The following TBCD variants were observed in gnomAD, a reference collection of about 807,000 sequenced individuals.
TBCD encodes tubulin folding cofactor D, also known as tubulin-specific chaperone D.
In TBCD, 105 loss-of-function variants were observed where a neutral mutation model predicts 169.3. That is an observed-to-expected ratio of 0.62 (90% CI 0.53 to 0.73). The LOEUF is 0.73. Ranked by LOEUF, TBCD falls within the 30% of genes least tolerant of loss-of-function variation. The pLI, the probability that TBCD is intolerant of heterozygous loss-of-function variation, is 0.00. For missense variants in TBCD, 1,444 were observed against 1,600.1 expected (o/e 0.90, Z 1.66); for synonymous variants, 700 against 643.9 (o/e 1.09, Z -1.32).
chr17:82,843,978 G>C (rs1346541108), intron 13 of TBCD, among the ~76,000 whole-genome samples: 1 of 151,880 alleles, frequency 6.6e-6, no homozygotes, highest in East Asian at 1.9e-4. Context: ...CTCACCTGCA[G>C]GTTCTTTCCT....
At chr17:82,758,139 A>C (rs2143824487) in intron 2 of TBCD, among the ~76,000 whole-genome samples, 1 of 152,062 alleles carries the variant, frequency 6.6e-6, no homozygotes, top group South Asian at 2.1e-4. Flanking sequence ...CTGTAATCCC[A>C]GCACTTTGGG....
intron 27 of TBCD, among the ~76,000 whole-genome samples, chr17:82,925,820 ACCC>A (rs932654917): frequency 6.6e-6 from 1 of 152,062 alleles, no homozygotes; most frequent in Admixed American, 6.6e-5. Context: ...CTTTGTCAAT[ACCC>A]CAGGTCTCAG....
chr17:82,937,774 A>T, intron 35 of TBCD: 7 of 1,177,558 alleles, frequency 5.9e-6, no homozygotes, highest in Non-Finnish European at 8.1e-6. Flanking sequence ...TGGCTCCTTG[A>T]GGTGGGGGTC....
At chr17:82,934,262 G>A (rs1027429913) in intron 34 of TBCD, among the ~76,000 whole-genome samples, 3 of 152,198 alleles carry the variant, frequency 2.0e-5, no homozygotes, top group Non-Finnish European at 4.4e-5. Context: ...ACCTTCGGGC[G>A]GGAGGCAGAT....
In TBCD at chr17:82,932,726, C is replaced by CGGA. The variant is rs766251154; in HGVS notation, c.3190_3191+1dup. The stretch of plus-strand genomic sequence containing the variant: ...CACGGCTGCTTCGACATCTTCACCA[C>CGGA]GGAGGAGGAGTGAGGCTCTGCTTTT... On this transcript the variant is annotated inframe_insertion, in exon 34 of 39. Transcript: ENST00000355528. The CGGA allele has an allele frequency of 5.6e-6, 9 of 1,613,752 alleles. No homozygotes were observed. Among genetic ancestry groups the CGGA allele is most frequent in the Non-Finnish European group, 7.6e-6 (9 of 1,179,796 alleles).
intron 8 of TBCD, among the ~76,000 whole-genome samples, chr17:82,799,639 C>A (rs1042729173): frequency 2.0e-5 from 3 of 152,196 alleles, no homozygotes; most frequent in Non-Finnish European, 4.4e-5. Flanking sequence ...AGGAGGGACA[C>A]ACAGTGCCAT....
intron 21 of TBCD, chr17:82,908,492 G>A (rs763806240): frequency 9.9e-6 from 4 of 403,358 alleles, no homozygotes; most frequent in African/African-American, 6.3e-5. Context: ...AATTGTTCAC[G>A]AGGGATTACG....
chr17:82,830,884 G>A, intron 13 of TBCD: 1 of 1,612,740 alleles, frequency 6.2e-7, no homozygotes, highest in South Asian at 1.1e-5. Flanking sequence ...GAGGCTAGAA[G>A]AAGCCAAGAA....
chr17:82,881,073 C>T (rs1010906319), intron 14 of TBCD, among the ~76,000 whole-genome samples: 7 of 152,172 alleles, frequency 4.6e-5, no homozygotes, highest in Non-Finnish European at 8.8e-5. Context: ...TCCCCTTGGG[C>T]TCCATCCTTC....
intron 13 of TBCD, among the ~76,000 whole-genome samples, chr17:82,860,609 A>G (rs1209448317): frequency 6.6e-6 from 1 of 152,220 alleles, no homozygotes; most frequent in Non-Finnish European, 1.5e-5. Context: ...GTGACAGTGG[A>G]GAGCCAGCAG....
Position 82,766,325 on chromosome 17 carries a change from C to T in TBCD, c.392C>T (p.Pro131Leu). ...CCTCATGAAGTTGCCGATGTAGAGC[C>T]TGTTTTAGATTTGGTCACAATTCAG... ...LFPHEVADVE[P>L]VLDLVTIQNP... The change falls in exon 4 of 39, where the codon CCT becomes CTT. Residue 131 changes from proline (P) to leucine (L), a missense_variant. Transcript: ENST00000355528. 3 of 1,613,366 alleles carry T rather than the reference C, an allele frequency of 1.9e-6. No homozygotes were observed. Among genetic ancestry groups the T allele is most frequent in the Non-Finnish European group, 2.5e-6 (3 of 1,179,680 alleles).
chr17:82,893,488 G>C, intron 16 of TBCD, 59 bp from the exon 17 acceptor site: 1 of 1,346,802 alleles, frequency 7.4e-7, no homozygotes, highest in African/African-American at 1.5e-5. Flanking sequence ...ATTGAACTTG[G>C]TGAAATGCCT....
chr17:82,829,987 G>A, intron 13 of TBCD: 1 of 1,238,764 alleles, frequency 8.1e-7, no homozygotes, highest in South Asian at 1.5e-5. Context: ...AAACTGAATT[G>A]GAGGGTTTTT....
rs574971824 is a variant in TBCD at position 82,856,378 on chromosome 17, G to C, written c.1319-13846G>C. 8.0e-4 allele frequency among the ~76,000 whole-genome samples: 121 copies of C among 151,736 alleles called. 1 individual carries two copies. Among genetic ancestry groups the C allele is most frequent in the African/African-American group, 2.9e-3 (120 of 41,400 alleles). Reference sequence around the variant, plus strand: ...TCACAATACTTTGGGAGGCCAAGATGAGAGGATCATTTGAGGCGAGGAGTT... The same window carrying C: ...TCACAATACTTTGGGAGGCCAAGATCAGAGGATCATTTGAGGCGAGGAGTT... On this transcript the variant is annotated intron_variant, in intron 13 of 38. Coordinates refer to ENST00000355528, the MANE Select transcript of TBCD (RefSeq NM_005993.5).
chr17:82,913,124 C>G (rs1367963742), intron 23 of TBCD: 2 of 152,376 alleles, frequency 1.3e-5, no homozygotes, highest in Non-Finnish European at 2.9e-5. Context: ...GACCATCCCC[C>G]ACATGTCATG....
rs1462807256 is a variant in TBCD, at chr17:82,884,831, G to C, written c.1533+629G>C. 1 of 154,618 alleles carries C rather than the reference G, an allele frequency of 6.5e-6. No individual in the cohort carries two copies. Among genetic ancestry groups the C allele is most frequent in the Non-Finnish European group, 1.4e-5 (1 of 69,388 alleles). The allele number at this position is 154,618 out of a possible 1,614,324, so 9.6% of individuals were successfully genotyped here. ...TCAGAGCTGGGCTGGAGTGAGGCCT[G>C]TGTCTCTTGGGACCACAGAGAGCGG... On this transcript the variant is annotated intron_variant, in intron 15 of 38. Transcript: ENST00000355528. This position sits in a 1 kb window ranked among gnomAD's most constrained non-coding sequence, Gnocchi z 4.2.
Position 82,891,469 on chromosome 17 carries a change from G to A in TBCD, c.1563+1772G>A, listed in dbSNP as rs191797870. Among the ~76,000 whole-genome samples the A allele has an allele frequency of 1.8e-3, 280 of 152,334 alleles. 1 individual carries two copies. Among genetic ancestry groups the A allele is most frequent in the African/African-American group, 6.3e-3 (261 of 41,570 alleles). ...CAGATTTTGAAGAGACACAGACTTT[G>A]AAAGAAATGCAAGACGCGCAGGTGC... On this transcript the variant is annotated intron_variant, in intron 16 of 38. Transcript: ENST00000355528.
chr17:82,753,675 A>T (rs1218585326), intron 1 of TBCD, among the ~76,000 whole-genome samples: 1 of 149,562 alleles, frequency 6.7e-6, no homozygotes, highest in Non-Finnish European at 1.5e-5. Context: ...GCTGGTCTCA[A>T]ACTCCTGACC....
intron 9 of TBCD, among the ~76,000 whole-genome samples, chr17:82,804,262 C>T (rs969179256): frequency 6.6e-6 from 1 of 152,136 alleles, no homozygotes; most frequent in Non-Finnish European, 1.5e-5. Flanking sequence ...ATGATACTCT[C>T]TTCATACCAG....
Sources: gnomAD v4.1 joint callset for allele counts (sites outside exome capture counted in the v4.1 genomes callset) on GRCh38, gnomAD v4.1.1 for gene constraint, Gnocchi (gnomAD v3.1) non-coding constraint, MANE v1.5 for transcripts, NCBI Gene and HGNC (gene_info 2026-07-23, HGNC 2026-07-21) for gene names.